Variants in CNKSR2 observed in about 807,000 individuals in gnomAD.
CNKSR2 encodes the protein connector enhancer of kinase suppressor of Ras 2.
A neutral mutation model predicts 84.4 loss-of-function variants in CNKSR2; 14 were observed. The observed-to-expected ratio is 0.17, with a 90% CI of 0.11 to 0.26. The LOEUF (loss-of-function observed/expected upper bound fraction) is 0.26. Ranked by LOEUF, CNKSR2 falls within the 10% of genes least tolerant of loss-of-function variation. The pLI is 1.00. For missense variants in CNKSR2, 485 were observed against 771.2 expected (o/e 0.63, Z 4.40); for synonymous variants, 275 against 277.9 (o/e 0.99, Z 0.10).
At chrX:21,490,608 C>T in intron 6 of CNKSR2, 30 bp downstream of exon 6, 1 of 1,194,083 alleles carries the variant, frequency 8.4e-7, no homozygotes, top group Non-Finnish European at 1.1e-6. Flanking sequence ...TCAAAACCAC[C>T]ATCCATCAGT....
chrX:21,387,302 C>T (rs2089983444), intron 1 of CNKSR2, among the ~76,000 whole-genome samples: 1 of 110,765 alleles, frequency 9.0e-6, no homozygotes, highest in Non-Finnish European at 1.9e-5. Context: ...GGCAACATGA[C>T]GAAACTCTGT....
At chrX:21,388,735 A>T (rs1378908928) in intron 1 of CNKSR2, among the ~76,000 whole-genome samples, 1 of 111,676 alleles carries the variant, frequency 9.0e-6, no homozygotes, top group African/African-American at 3.3e-5. Flanking sequence ...AGAATTACAA[A>T]TCATTTATAT....
chrX:21,393,986 A>G (rs755216690), intron 1 of CNKSR2, among the ~76,000 whole-genome samples: 10 of 112,478 alleles, frequency 8.9e-5, no homozygotes, highest in Non-Finnish European at 1.9e-4. Flanking sequence ...ATAGAAGACA[A>G]TACAAATTAT....
rs887473985 is a variant in CNKSR2 at position 21,379,391 on chromosome X, G to GT, written c.64+4438dup. On this transcript the variant is annotated intron_variant, in intron 1 of 21. Transcript: ENST00000379510. ...TATCACTTCCTTTTGAAAACTTAGG[G>GT]TTTTTTTTCAATTGAAAGGTGACTA... 2.3e-4 allele frequency among the ~76,000 whole-genome samples: 26 copies of GT among 111,345 alleles called. No individual in the cohort carries two copies. In the East Asian group the frequency reaches 4.8e-3, roughly 21 times the overall value.
At chrX:21,449,681 C>T (rs1236249364) in intron 4 of CNKSR2, among the ~76,000 whole-genome samples, 2 of 111,390 alleles carry the variant, frequency 1.8e-5, no homozygotes, top group Non-Finnish European at 3.8e-5. Flanking sequence ...TATAGCTTTA[C>T]TCTATGTCCT....
chrX:21,452,348 T>G (rs1355725929), intron 4 of CNKSR2, among the ~76,000 whole-genome samples: 1 of 111,527 alleles, frequency 9.0e-6, no homozygotes, highest in Non-Finnish European at 1.9e-5. Flanking sequence ...TGCGTAGGCC[T>G]CCCAAAGTAG....
intron 4 of CNKSR2, among the ~76,000 whole-genome samples, chrX:21,449,141 T>C (rs778779287): frequency 4.8e-4 from 53 of 109,792 alleles, no homozygotes; most frequent in Non-Finnish European, 9.7e-4. Flanking sequence ...CTGTCTCTAC[T>C]AAAATTACAA....
intron 2 of CNKSR2, chrX:21,427,691 T>G (rs1352113578): frequency 1.8e-5 from 2 of 112,425 alleles, no homozygotes; most frequent in Non-Finnish European, 3.8e-5. Flanking sequence ...TTTCAACAAT[T>G]ACATATTCAT....
In CNKSR2 at chrX:21,531,478, T is replaced by A. The variant is rs184410913; in HGVS notation, c.1092-378T>A. Reference sequence around the variant, plus strand: ...AAGCAATTTATGTGCAAAGGTAAACTGGCAGAAGAAAGCTATATACTTAAG... The same window carrying A: ...AAGCAATTTATGTGCAAAGGTAAACAGGCAGAAGAAAGCTATATACTTAAG... On this transcript the variant is annotated intron_variant, in intron 10 of 21. Coordinates refer to ENST00000379510, the MANE Select transcript of CNKSR2 (RefSeq NM_014927.5). 1.6e-3 allele frequency among the ~76,000 whole-genome samples: 181 copies of A among 111,234 alleles called. 1 individual carries two copies. Among genetic ancestry groups the A allele is most frequent in the Non-Finnish European group, 2.1e-3 (112 of 52,610 alleles).
chrX:21,419,812 C>T (rs1254236267), intron 1 of CNKSR2, among the ~76,000 whole-genome samples: 1 of 112,471 alleles, frequency 8.9e-6, no homozygotes, highest in Non-Finnish European at 1.9e-5. Flanking sequence ...ACCCTTGTGG[C>T]CACCACCACC....
At chrX:21,395,244 A>T (rs1337115794) in intron 1 of CNKSR2, among the ~76,000 whole-genome samples, 1 of 111,962 alleles carries the variant, frequency 8.9e-6, no homozygotes, top group Admixed American at 9.5e-5. Flanking sequence ...CTCATATATA[A>T]GACTTCATTT....
intron 1 of CNKSR2, among the ~76,000 whole-genome samples, chrX:21,416,956 ATTTTGG>A (rs940241490): frequency 9.0e-6 from 1 of 110,877 alleles, no homozygotes; most frequent in African/African-American, 3.3e-5. Flanking sequence ...CTCTTCCAGT[ATTTTGG>A]TTTTGGTTTG....
chrX:21,597,213 T>C (rs2092455372), intron 17 of CNKSR2, among the ~76,000 whole-genome samples: 1 of 111,848 alleles, frequency 8.9e-6, no homozygotes, highest in Admixed American at 9.5e-5. Flanking sequence ...AAAATCCTTC[T>C]TGGCCCTCAT....
intron 5 of CNKSR2, 84 bp downstream of exon 5, chrX:21,470,891 T>C: frequency 4.3e-6 from 2 of 460,024 alleles, no homozygotes; most frequent in South Asian, 9.3e-5. Context: ...AGAAAAAAAA[T>C]CTACTGACCA....
chrX:21,551,661 T>C (rs1224819977), intron 11 of CNKSR2, among the ~76,000 whole-genome samples: 1 of 111,858 alleles, frequency 8.9e-6, no homozygotes, highest in Non-Finnish European at 1.9e-5. Context: ...ACATTTGTGG[T>C]GGAAAGTTGC....
intron 5 of CNKSR2, among the ~76,000 whole-genome samples, chrX:21,474,980 T>C (rs774105723): frequency 1.7e-4 from 19 of 112,189 alleles, no homozygotes; most frequent in Non-Finnish European, 3.0e-4. Flanking sequence ...TGTATAATGG[T>C]TAAATATAGC....
intron 8 of CNKSR2, among the ~76,000 whole-genome samples, chrX:21,516,018 A>C (rs2091724698): frequency 9.0e-6 from 1 of 111,693 alleles, no homozygotes; most frequent in South Asian, 3.7e-4. Flanking sequence ...GTAAAATATC[A>C]GTCTAATTTA....
At chrX:21,422,741 A>G (rs2090514727) in intron 1 of CNKSR2, among the ~76,000 whole-genome samples, 1 of 111,636 alleles carries the variant, frequency 9.0e-6, no homozygotes, top group Non-Finnish European at 1.9e-5. Context: ...CTTTAGTGTC[A>G]AAAATGGATG....
intron 1 of CNKSR2, among the ~76,000 whole-genome samples, chrX:21,391,185 G>T (rs1023841143): frequency 1.8e-5 from 2 of 112,556 alleles, no homozygotes; most frequent in African/African-American, 6.5e-5. Context: ...GCTGTTGGTA[G>T]ATCTGCCATT....
Sources: gnomAD v4.1 joint callset for allele counts (sites outside exome capture counted in the v4.1 genomes callset) on GRCh38, gnomAD v4.1.1 for gene constraint, MANE v1.5 for transcripts, NCBI Gene and HGNC (gene_info 2026-07-23, HGNC 2026-07-21) for gene names.